CPS1: variants seen among roughly 807,000 people sequenced by gnomAD.
The protein encoded by CPS1 is carbamoyl-phosphate synthase [ammonia], mitochondrial.
CPS1 carries 109 observed loss-of-function variants against 174.6 expected under a neutral mutation model. The observed-to-expected ratio is 0.62, with a 90% CI of 0.53 to 0.73. The LOEUF (loss-of-function observed/expected upper bound fraction) is 0.73, where lower values mean the gene tolerates loss of function less well. Among genes scored for constraint, CPS1 ranks in the 30% least tolerant of loss-of-function variants. The pLI, the probability that CPS1 is intolerant of heterozygous loss-of-function variation, is 0.00. For synonymous variants in CPS1, 637 were observed against 632.0 expected, an observed-to-expected ratio of 1.01 and a Z score of -0.12; for missense variants, 1,689 against 1,821.9, an observed-to-expected ratio of 0.93 and a Z score of 1.33.
chr2:210,642,426 T>C, intron 24 of CPS1, 58 bp from the exon 25 acceptor site: 2 of 1,594,426 alleles, frequency 1.3e-6, no homozygotes, highest in Non-Finnish European at 1.7e-6. Context: ...TCTGCTTCTC[T>C]TTGTATTGTA....
chr2:210,554,293 C>T (rs561272951), upstream of CPS1, among the ~76,000 whole-genome samples: 2 of 143,520 alleles, frequency 1.4e-5, no homozygotes, highest in Admixed American at 7.0e-5. Flanking sequence ...ACACACACAC[C>T]GTAGTTTGCA....
At chr2:210,654,316 T>C (rs1477871440) in intron 29 of CPS1, among the ~76,000 whole-genome samples, 3 of 152,222 alleles carry the variant, frequency 2.0e-5, no homozygotes, top group African/African-American at 7.2e-5. Flanking sequence ...AGAATTTCTC[T>C]GATGATATTC....
chr2:210,674,029 T>C (rs1171247191), intron 34 of CPS1: 2 of 152,206 alleles, frequency 1.3e-5, no homozygotes, highest in Non-Finnish European at 2.9e-5. Flanking sequence ...TAACTGACTT[T>C]AGAGCTCATT....
intron 11 of CPS1, chr2:210,593,756 T>C (rs1414052208): frequency 3.8e-5 from 26 of 691,960 alleles, no homozygotes; most frequent in Non-Finnish European, 4.6e-5. Context: ...TTTTAGATAT[T>C]TATATTTTGT....
At chr2:210,629,768 G>T (rs1699807600) in intron 21 of CPS1, among the ~76,000 whole-genome samples, 1 of 151,048 alleles carries the variant, frequency 6.6e-6, no homozygotes, top group African/African-American at 2.4e-5. Context: ...TAAGAACCAT[G>T]GGCCGGGCTC....
chr2:210,631,306 G>T (rs1699862635), intron 21 of CPS1: 1 of 152,124 alleles, frequency 6.6e-6, no homozygotes, highest in Non-Finnish European at 1.5e-5. Context: ...TCCTCATTAA[G>T]GGGAATTTAT....
At chr2:210,604,045 A>G (rs1294156295) in intron 16 of CPS1, among the ~76,000 whole-genome samples, 1 of 151,904 alleles carries the variant, frequency 6.6e-6, no homozygotes, top group East Asian at 1.9e-4. Flanking sequence ...TTTGTTTCCT[A>G]GATTTCTTCT....
At chr2:210,658,547 A>G in intron 30 of CPS1, 52 bp from the exon 31 acceptor site, 1 of 1,531,258 alleles carries the variant, frequency 6.5e-7, no homozygotes. Flanking sequence ...AAAGTTTTCA[A>G]AAACTAAGAT....
chr2:210,514,785 C>CTT (rs59164194), intron 1 of CPS1, among the ~76,000 whole-genome samples: 28,854 of 140,680 alleles, frequency 0.21, 3,495 homozygotes, highest in African/African-American at 0.33. Flanking sequence ...GGGAATGCTT[C>CTT]TTTTTTTTTT....
intron 13 of CPS1, among the ~76,000 whole-genome samples, chr2:210,597,986 C>A (rs906158236): frequency 2.0e-5 from 3 of 151,846 alleles, no homozygotes; most frequent in Admixed American, 1.3e-4. Flanking sequence ...TAGAAACCAG[C>A]AGAAGGCTCT....
intron 1 of CPS1, among the ~76,000 whole-genome samples, chr2:210,483,290 C>A (rs953426649): frequency 2.6e-5 from 4 of 152,112 alleles, no homozygotes; most frequent in African/African-American, 9.7e-5. Context: ...TAATCCACAT[C>A]CCCTTCCTAA....
intron 1 of CPS1, among the ~76,000 whole-genome samples, chr2:210,558,966 C>CA (rs1448606529): frequency 1.3e-5 from 2 of 151,916 alleles, no homozygotes; most frequent in Non-Finnish European, 2.9e-5. Context: ...ATGCCAAGCA[C>CA]AAAAAATAGA....
chr2:210,554,190 C>T (rs1415280261), upstream of CPS1, among the ~76,000 whole-genome samples: 1 of 123,130 alleles, frequency 8.1e-6, no homozygotes, highest in Non-Finnish European at 1.6e-5. Context: ...TATACACACA[C>T]ACATATATAT....
intron 1 of CPS1, chr2:210,519,647 A>C (rs1695769392): frequency 3.9e-5 from 21 of 543,274 alleles, no homozygotes; most frequent in Non-Finnish European, 4.9e-5. Flanking sequence ...TTGAATTCCC[A>C]GCCTCGCTTG....
At chr2:210,630,060 G>T (rs547803807) in intron 21 of CPS1, among the ~76,000 whole-genome samples, 122 of 145,698 alleles carry the variant, frequency 8.4e-4, no homozygotes, top group African/African-American at 2.8e-3. Context: ...GAGAGAGAGC[G>T]AGACTATGTC....
intron 34 of CPS1, among the ~76,000 whole-genome samples, chr2:210,669,293 A>G (rs1443451076): frequency 6.6e-6 from 1 of 152,106 alleles, no homozygotes; most frequent in Non-Finnish European, 1.5e-5. Flanking sequence ...CCTGTTTATA[A>G]ATTTCCTGAA....
intron 25 of CPS1, among the ~76,000 whole-genome samples, chr2:210,643,469 C>T (rs1210863810): frequency 6.6e-6 from 1 of 152,028 alleles, no homozygotes; most frequent in African/African-American, 2.4e-5. Flanking sequence ...TAAATTGGAA[C>T]CAAAATACTT....
At chr2:210,603,648 C>G (rs1013992859) in intron 16 of CPS1, among the ~76,000 whole-genome samples, 2 of 151,740 alleles carry the variant, frequency 1.3e-5, no homozygotes, top group Non-Finnish European at 2.9e-5. Context: ...AATCTGAAGA[C>G]TGAACTTTTC....
chr2:210,674,769 A>G, intron 34 of CPS1, 133 bp from the exon 35 acceptor site: 1 of 768,802 alleles, frequency 1.3e-6, no homozygotes. Flanking sequence ...AAAGGATAAA[A>G]CTTGTCATTT....
Sources: gnomAD v4.1 joint callset for allele counts (sites outside exome capture counted in the v4.1 genomes callset) on GRCh38, gnomAD v4.1.1 for gene constraint, MANE v1.5 for transcripts, NCBI Gene and HGNC (gene_info 2026-07-23, HGNC 2026-07-21) for gene names.